Variants in LURAP1L observed in about 807,000 individuals in gnomAD.
The protein encoded by LURAP1L is leucine rich adaptor protein 1-like.
Under a neutral mutation model 13.8 loss-of-function variants are expected in LURAP1L, and 12 were observed. The ratio of observed to expected loss-of-function variants is 0.87; its 90% CI spans 0.56 to 1.41. LURAP1L has a LOEUF of 1.41. Among genes scored for constraint, LURAP1L ranks in the 40% most tolerant of loss-of-function variants. LURAP1L has a pLI of 0.00. For missense variants in LURAP1L, 375 were observed against 292.9 expected, an observed-to-expected ratio of 1.28 and a Z score of -2.04; for synonymous variants, 139 against 119.2, an observed-to-expected ratio of 1.17 and a Z score of -1.08.
chr9:12,817,790 G>A (rs1357427211), intron 1 of LURAP1L, among the ~76,000 whole-genome samples: 2 of 152,208 alleles, frequency 1.3e-5, no homozygotes, highest in Admixed American at 1.3e-4. Flanking sequence ...AGAGACAGAA[G>A]AGTCATTGTG....
intron 1 of LURAP1L, among the ~76,000 whole-genome samples, chr9:12,792,481 A>G (rs1453834689): frequency 6.6e-6 from 1 of 152,154 alleles, no homozygotes; most frequent in Middle Eastern, 3.2e-3. Context: ...TAAATAATGA[A>G]TGTAACATTT....
chr9:12,787,531 A>G (rs1005043027), intron 1 of LURAP1L, among the ~76,000 whole-genome samples: 2 of 152,160 alleles, frequency 1.3e-5, no homozygotes, highest in East Asian at 1.9e-4. Context: ...ACCATAGCAT[A>G]GAAAGAAACT....
At chr9:12,782,898 C>T (rs907673768) in intron 1 of LURAP1L, among the ~76,000 whole-genome samples, 47 of 152,066 alleles carry the variant, frequency 3.1e-4, no homozygotes, top group Admixed American at 1.4e-3. Flanking sequence ...TTTCTTGCAT[C>T]GGTATTTTAT....
Position 12,775,468 on chromosome 9 carries a change from G to A in LURAP1L, c.-248G>A. On this transcript the variant is annotated 5_prime_UTR_variant, in exon 1 of 2. Transcript: ENST00000319264. ...TGGCCAAAAAGAGAGAGAATGAGGAGATCTTGATCATCTTAGTGTCGGAGG... is the reference window on the plus strand; with the variant it reads ...TGGCCAAAAAGAGAGAGAATGAGGAAATCTTGATCATCTTAGTGTCGGAGG... 1 of 474,830 alleles carries A rather than the reference G, an allele frequency of 2.1e-6. No homozygotes were observed. Among genetic ancestry groups the A allele is most frequent in the Non-Finnish European group, 3.6e-6 (1 of 278,990 alleles). The allele number at this position is 474,830 out of a possible 1,614,324, so 29.4% of individuals were successfully genotyped here.
rs142107030 is a variant in LURAP1L at position 12,794,981 on chromosome 9, T to C, written c.312+18954T>C. ...CTAAAAGATTTTAACCTCCATGGTA[T>C]AGAAAACTCTTGTTTAATCTCAGAG... On this transcript the variant is annotated intron_variant, in intron 1 of 1. Transcript: ENST00000319264. 5.9e-5 allele frequency among the ~76,000 whole-genome samples: 9 copies of C among 152,126 alleles called. 1 individual carries two copies. The East Asian group carries it at 1.5e-3, about 26-fold the overall frequency.
intron 1 of LURAP1L, among the ~76,000 whole-genome samples, chr9:12,809,555 C>T (rs1009907480): frequency 6.6e-6 from 1 of 152,148 alleles, no homozygotes; most frequent in African/African-American, 2.4e-5. Flanking sequence ...GAACCATTGG[C>T]GTATTAATCA....
chr9:12,805,717 G>A (rs535448596), intron 1 of LURAP1L, among the ~76,000 whole-genome samples: 1 of 152,186 alleles, frequency 6.6e-6, no homozygotes, highest in East Asian at 1.9e-4. Context: ...ATTCCAAAGG[G>A]GGAACATTTT....
chr9:12,792,709 G>A (rs558825693), intron 1 of LURAP1L, among the ~76,000 whole-genome samples: 60 of 152,078 alleles, frequency 3.9e-4, no homozygotes, highest in African/African-American at 1.4e-3. Flanking sequence ...ATATTTAGTA[G>A]TGAAATCCAC....
chr9:12,809,335 G>A (rs1819706069), intron 1 of LURAP1L, among the ~76,000 whole-genome samples: 2 of 151,712 alleles, frequency 1.3e-5, no homozygotes, highest in Non-Finnish European at 2.9e-5. Context: ...TTTTCTTTTT[G>A]CATTTCAGTT....
At chr9:12,812,972 A>C (rs1819758117) in intron 1 of LURAP1L, among the ~76,000 whole-genome samples, 1 of 152,168 alleles carries the variant, frequency 6.6e-6, no homozygotes, top group African/African-American at 2.4e-5. Flanking sequence ...CTTTGGTATA[A>C]ATATTTTACA....
In LURAP1L at chr9:12,775,897, G is replaced by A; in HGVS notation, c.182G>A (p.Ser61Asn). ...GGCGGCGGCTGCAGTAGCAGCAGCA[G>A]CTACTGCAGCTTCCCTCCCTCCTTG... The part of the protein sequence containing the change: ...GGGGGCSSSS[S>N]YCSFPPSLSS... Residue 61 changes from serine (S) to asparagine (N), a missense_variant, in exon 1 of 2, where the codon AGC becomes AAC. Transcript: ENST00000319264. 1 of 1,570,164 alleles carries A rather than the reference G, an allele frequency of 6.4e-7. No individual in the cohort carries two copies. The highest frequency in any genetic ancestry group is 1.9e-5 in the Admixed American group (1 of 52,624).
chr9:12,819,105 T>C (rs1819840791), intron 1 of LURAP1L, among the ~76,000 whole-genome samples: 1 of 152,196 alleles, frequency 6.6e-6, no homozygotes, highest in African/African-American at 2.4e-5. Flanking sequence ...TGCAAGGTTA[T>C]TGAGACACCC....
At chr9:12,802,365 A>G (rs748861332) in intron 1 of LURAP1L, among the ~76,000 whole-genome samples, 2 of 152,240 alleles carry the variant, frequency 1.3e-5, no homozygotes, top group South Asian at 4.1e-4. Flanking sequence ...ATGGTTTCAC[A>G]TCACTCTCCT....
chr9:12,793,507 C>T (rs776247092), intron 1 of LURAP1L, among the ~76,000 whole-genome samples: 2 of 151,878 alleles, frequency 1.3e-5, no homozygotes, highest in African/African-American at 2.4e-5. Flanking sequence ...CTTTTATTGC[C>T]CTCCTTTCCA....
At chr9:12,779,424 G>A (rs1411251627) in intron 1 of LURAP1L, among the ~76,000 whole-genome samples, 2 of 151,822 alleles carry the variant, frequency 1.3e-5, no homozygotes, top group Non-Finnish European at 2.9e-5. Flanking sequence ...ACAGGCACCT[G>A]CAACCACGCC....
intron 1 of LURAP1L, among the ~76,000 whole-genome samples, chr9:12,779,302 T>C (rs1254048913): frequency 7.8e-6 from 1 of 127,528 alleles, no homozygotes; most frequent in Non-Finnish European, 1.6e-5. Flanking sequence ...TGAGACGGAG[T>C]CTCGCCCTAT....
intron 1 of LURAP1L, among the ~76,000 whole-genome samples, chr9:12,803,027 G>A (rs1819608327): frequency 6.6e-6 from 1 of 152,102 alleles, no homozygotes; most frequent in African/African-American, 2.4e-5. Context: ...ACTCTCTGCT[G>A]CATTACCACA....
At chr9:12,777,632 G>T (rs562442300) in intron 1 of LURAP1L, 3 of 940,336 alleles carry the variant, frequency 3.2e-6, no homozygotes, top group Non-Finnish European at 3.8e-6. Context: ...CTGTCATTTT[G>T]CTGGACACTC....
intron 1 of LURAP1L, among the ~76,000 whole-genome samples, chr9:12,785,332 G>A (rs1315872070): frequency 6.6e-6 from 1 of 152,096 alleles, no homozygotes; most frequent in African/African-American, 2.4e-5. Context: ...CTGGGGGAGG[G>A]GGTGACACAA....
Sources: allele counts gnomAD v4.1 joint callset (sites outside exome capture counted in the v4.1 genomes callset), GRCh38; gene constraint gnomAD v4.1.1; transcripts MANE v1.5; gene names NCBI Gene and HGNC (gene_info 2026-07-23, HGNC 2026-07-21).